The following ABCB4 variants were observed in gnomAD, a reference collection of about 807,000 sequenced individuals.
ABCB4 encodes the protein phosphatidylcholine translocator ABCB4.
Under a neutral mutation model 145.7 loss-of-function variants are expected in ABCB4, and 76 were observed. The ratio of observed to expected loss-of-function variants is 0.52; its 90% CI spans 0.43 to 0.63. ABCB4 has a LOEUF of 0.63. ABCB4 is among the 30% of genes least tolerant of loss of function. The probability of loss-of-function intolerance (pLI) is 0.00; values close to 1 mark genes in which losing one functional copy is unlikely to be tolerated. For synonymous variants in ABCB4, 517 were observed against 566.8 expected (o/e 0.91, Z 1.25); for missense variants, 1,234 against 1,553.1 (o/e 0.79, Z 3.45).
intron 3 of ABCB4, among the ~76,000 whole-genome samples, chr7:87,465,966 A>G (rs556801404): frequency 4.1e-4 from 62 of 152,258 alleles, no homozygotes; most frequent in Non-Finnish European, 2.5e-4. Context: ...GAACAGAAAA[A>G]CTGAAAATTC....
chr7:87,475,736 GC>G (rs1028911625), upstream of ABCB4: 7 of 312,562 alleles, frequency 2.2e-5, no homozygotes, highest in African/African-American at 2.1e-4. Flanking sequence ...CCCCGCCCCC[GC>G]CCCCCACGCG....
chr7:87,428,329 C>A (rs985328157), intron 15 of ABCB4, among the ~76,000 whole-genome samples: 1 of 152,174 alleles, frequency 6.6e-6, no homozygotes, highest in African/African-American at 2.4e-5. Context: ...ACTTTTCCAC[C>A]AGGTGTTAAA....
intron 3 of ABCB4, among the ~76,000 whole-genome samples, chr7:87,469,273 A>C (rs1383982535): frequency 6.6e-6 from 1 of 152,218 alleles, no homozygotes; most frequent in Non-Finnish European, 1.5e-5. Flanking sequence ...TATCATACTG[A>C]ATGGGAAAAA....
downstream of ABCB4, among the ~76,000 whole-genome samples, chr7:87,397,116 G>A (rs770940517): frequency 6.6e-6 from 1 of 152,096 alleles, no homozygotes; most frequent in Non-Finnish European, 1.5e-5. Context: ...CACTTTGGGA[G>A]GGATTACACT....
At chr7:87,434,163 C>T (rs1466088750) in intron 14 of ABCB4, among the ~76,000 whole-genome samples, 1 of 145,002 alleles carries the variant, frequency 6.9e-6, no homozygotes, top group African/African-American at 2.6e-5. Flanking sequence ...AGGATGGTCT[C>T]AATCTCCTGA....
the ABCB4 span, chr7:87,375,754 C>T: frequency 6.2e-7 from 1 of 1,611,976 alleles, no homozygotes; most frequent in Non-Finnish European, 8.5e-7. Flanking sequence ...CTTAACGAAG[C>T]TTTTCTCTAA....
chr7:87,453,183 T>C (rs1811877006), intron 5 of ABCB4, 48 bp from the exon 6 acceptor site: 1 of 1,452,792 alleles, frequency 6.9e-7, no homozygotes. Context: ...CTTTTCTTTT[T>C]TCTTTTCTTT....
At chr7:87,435,603 C>T (rs1810558169) in intron 14 of ABCB4, among the ~76,000 whole-genome samples, 1 of 152,192 alleles carries the variant, frequency 6.6e-6, no homozygotes, top group Non-Finnish European at 1.5e-5. Context: ...TAGGCAACAG[C>T]CATCCCCAAC....
At chr7:87,421,530 G>A (rs981916440) in intron 18 of ABCB4, among the ~76,000 whole-genome samples, 1 of 152,210 alleles carries the variant, frequency 6.6e-6, no homozygotes, top group Admixed American at 6.5e-5. Context: ...TAAAAGAGAA[G>A]CATGCTGGCA....
the ABCB4 span, among the ~76,000 whole-genome samples, chr7:87,383,527 G>C: frequency 7.1e-6 from 1 of 141,320 alleles, no homozygotes; most frequent in Admixed American, 7.2e-5. Context: ...TCAGAGTCTT[G>C]CTCTGTCGCC....
intron 15 of ABCB4, among the ~76,000 whole-genome samples, chr7:87,429,761 T>G (rs546292708): frequency 1.3e-5 from 2 of 152,308 alleles, no homozygotes; most frequent in Admixed American, 6.5e-5. Flanking sequence ...ACACTATCAT[T>G]GATTCCCTCC....
At chr7:87,397,230 A>G (rs913113602), downstream of ABCB4, among the ~76,000 whole-genome samples, 5 of 152,026 alleles carry the variant, frequency 3.3e-5, no homozygotes, top group Non-Finnish European at 7.4e-5. Context: ...ACACACCTGT[A>G]GTCTGAGTTA....
chr7:87,399,915 A>C (rs1380776025), downstream of ABCB4: 1 of 150,918 alleles, frequency 6.6e-6, no homozygotes, highest in Non-Finnish European at 1.5e-5. Flanking sequence ...TAACAGCTAG[A>C]CAGTTCTTCT....
At chr7:87,382,288 T>G in the ABCB4 span, 1 of 1,411,798 alleles carries the variant, frequency 7.1e-7, no homozygotes, top group Non-Finnish European at 9.8e-7. Context: ...ATTTTAAAAT[T>G]ATGCCTTTAA....
chr7:87,385,777 C>A, the ABCB4 span, among the ~76,000 whole-genome samples: 1 of 152,114 alleles, frequency 6.6e-6, no homozygotes, highest in East Asian at 1.9e-4. Context: ...GAAAGTCTTG[C>A]AATTTTTCCA....
chr7:87,419,625 A>G (rs767503936), intron 19 of ABCB4, among the ~76,000 whole-genome samples: 5 of 152,314 alleles, frequency 3.3e-5, no homozygotes, highest in Non-Finnish European at 7.3e-5. Context: ...AATGCTATCA[A>G]CTAGGTTTTT....
In ABCB4 at chr7:87,443,380, C is replaced by G. The variant is rs779487136; in HGVS notation, c.1295G>C (p.Gly432Ala). The change falls in exon 12 of 28, where the codon GGC (glycine) becomes GCC (alanine). Residue 432 changes from glycine to alanine, a missense_variant. Physicochemically the swap from Gly to Ala is moderately conservative, Grantham distance 60 (BLOSUM62 0). Around this residue, in one of 7 missense-constraint regions of ABCB4, gnomAD observed 467 missense variants for 632.8 expected, o/e 0.74. Coordinates refer to ENST00000649586, the MANE Select transcript of ABCB4 (RefSeq NM_000443.4). Reference sequence around the variant, plus strand: ...CTGGACCGTTGTGCTCTTCCCACAGCCACTACTTCCAACCAGGGCCACCGT... The same window carrying G: ...CTGGACCGTTGTGCTCTTCCCACAGGCACTACTTCCAACCAGGGCCACCGT... ...GQTVALVGSS[G>A]CGKSTTVQLI... is the part of the protein sequence containing the mutation. 2 of 1,614,114 alleles carry G rather than the reference C, an allele frequency of 1.2e-6. No individual in the cohort carries two copies. The highest frequency in any genetic ancestry group is 2.2e-5 in the South Asian group (2 of 91,078).
the ABCB4 span, among the ~76,000 whole-genome samples, chr7:87,380,315 A>T: frequency 6.6e-6 from 1 of 152,294 alleles, no homozygotes; most frequent in South Asian, 2.1e-4. Flanking sequence ...AAGGCTTTGC[A>T]GAGGGTGCAT....
chr7:87,459,092 T>C (rs1812288523), intron 4 of ABCB4, among the ~76,000 whole-genome samples: 1 of 151,760 alleles, frequency 6.6e-6, no homozygotes, highest in South Asian at 2.1e-4. Flanking sequence ...AAAAGAGAAA[T>C]GATGTGTGAT....
Sources: allele counts gnomAD v4.1 joint callset (sites outside exome capture counted in the v4.1 genomes callset), GRCh38; gene constraint gnomAD v4.1.1; regional missense constraint gnomAD v4.1.1; transcripts MANE v1.5; gene names NCBI Gene and HGNC (gene_info 2026-07-23, HGNC 2026-07-21).